Variants in TSGA10 observed in about 807,000 individuals in gnomAD.
The protein encoded by TSGA10 is testis-specific gene 10 protein.
Under a neutral mutation model 96.6 loss-of-function variants are expected in TSGA10, and 43 were observed. The observed-to-expected ratio is 0.44, with a 90% CI of 0.35 to 0.57. TSGA10 has a LOEUF of 0.57. TSGA10 is among the 20% of genes least tolerant of loss of function. TSGA10 has a pLI of 0.01. For synonymous variants in TSGA10, 229 were observed against 269.9 expected, an observed-to-expected ratio of 0.85 and a Z score of 1.48; for missense variants, 703 against 834.4, an observed-to-expected ratio of 0.84 and a Z score of 1.94.
rs375423446 is a variant in TSGA10, at chr2:99,068,872, A to G, written c.1218+16T>C. ...AAACTAAGTATCATGAGCAAAAAGA[A>G]AAAAAAAATACATACTTCAGACTTT... On this transcript the variant is annotated intron_variant, in intron 15 of 20. Transcript: ENST00000393483. The G allele has an allele frequency of 1.2e-4, 157 of 1,321,590 alleles. No individual in the cohort carries two copies. The African/African-American group carries it at 2.3e-3, about 19-fold the overall frequency. 81.9% of individuals were successfully genotyped at this position (1,321,590 alleles called of 1,614,324 possible).
At chr2:99,118,128 A>C (rs1392862001) in intron 3 of TSGA10, among the ~76,000 whole-genome samples, 2 of 152,014 alleles carry the variant, frequency 1.3e-5, no homozygotes, top group Non-Finnish European at 2.9e-5. Flanking sequence ...TCTTTTAATT[A>C]AATTTCTAAT....
chr2:99,010,995 C>T (rs2078946492), intron 20 of TSGA10, among the ~76,000 whole-genome samples: 1 of 152,116 alleles, frequency 6.6e-6, no homozygotes, highest in Admixed American at 6.5e-5. Context: ...TGGCCAAGAT[C>T]CCCTCTATAA....
intron 9 of TSGA10, among the ~76,000 whole-genome samples, chr2:99,104,401 A>T (rs981021864): frequency 6.6e-6 from 1 of 152,166 alleles, no homozygotes; most frequent in African/African-American, 2.4e-5. Context: ...AAAAGAATTT[A>T]TTTGTTGCCC....
At chr2:99,061,332 A>G (rs927889643) in intron 16 of TSGA10, among the ~76,000 whole-genome samples, 1 of 152,234 alleles carries the variant, frequency 6.6e-6, no homozygotes, top group African/African-American at 2.4e-5. Context: ...TATGAATGTG[A>G]TAACCTTACT....
intron 1 of TSGA10, among the ~76,000 whole-genome samples, chr2:99,130,618 T>G (rs1253149244): frequency 6.6e-6 from 1 of 152,238 alleles, no homozygotes; most frequent in Admixed American, 6.5e-5. Flanking sequence ...ACAGAAGCTC[T>G]TTAGTTTAAT....
intron 14 of TSGA10, among the ~76,000 whole-genome samples, chr2:99,069,259 C>A (rs1252893852): frequency 6.6e-6 from 1 of 152,070 alleles, no homozygotes; most frequent in African/African-American, 2.4e-5. Flanking sequence ...ATTAAAACAA[C>A]ACATTACTAT....
At chr2:99,137,818 G>A (rs1209507706) in intron 1 of TSGA10, among the ~76,000 whole-genome samples, 2 of 150,798 alleles carry the variant, frequency 1.3e-5, no homozygotes, top group African/African-American at 2.4e-5. Flanking sequence ...AATTAGAAGG[G>A]ATTTATTGCA....
At chr2:99,141,512 C>T (rs77606605) in intron 1 of TSGA10, 1 of 156,122 alleles carries the variant, frequency 6.4e-6, no homozygotes, top group Non-Finnish European at 1.4e-5. Context: ...ACCTGCCTGC[C>T]TTACAGGGCA....
chr2:99,131,582 T>C (rs2093087601), intron 1 of TSGA10, among the ~76,000 whole-genome samples: 1 of 152,150 alleles, frequency 6.6e-6, no homozygotes, highest in South Asian at 2.1e-4. Flanking sequence ...ACAATTTGAC[T>C]CCTCTCTTCC....
chr2:99,120,762 A>C (rs1380078843), intron 2 of TSGA10, among the ~76,000 whole-genome samples: 1 of 152,186 alleles, frequency 6.6e-6, no homozygotes, highest in Non-Finnish European at 1.5e-5. Flanking sequence ...TCACATGTGC[A>C]GATCTCTGTA....
intron 1 of TSGA10, among the ~76,000 whole-genome samples, chr2:99,128,421 A>C (rs1048564433): frequency 1.3e-5 from 2 of 152,224 alleles, no homozygotes; most frequent in Non-Finnish European, 2.9e-5. Flanking sequence ...TGCTAGTTAT[A>C]AACATGATTT....
chr2:99,080,080 A>AT lies in TSGA10; in HGVS notation c.727+1201dup, dbSNP rs566426487. Among the ~76,000 whole-genome samples, 18 of 152,212 alleles carry AT rather than the reference A, an allele frequency of 1.2e-4. No individual in the cohort carries two copies. In the East Asian group the frequency reaches 3.5e-3, roughly 29 times the overall value. The stretch of plus-strand genomic sequence containing the variant: ...ATCAACCTAACAGCCCACTCAAACT[A>AT]TTACCTTATTTTCTTGCTACCCTTT... On this transcript the variant is annotated intron_variant, in intron 11 of 20. Coordinates refer to ENST00000393483, the MANE Select transcript of TSGA10 (RefSeq NM_025244.4).
chr2:99,104,547 T>C (rs2091130846), intron 9 of TSGA10, among the ~76,000 whole-genome samples: 2 of 152,022 alleles, frequency 1.3e-5, no homozygotes, highest in Non-Finnish European at 1.5e-5. Context: ...CGATCTCGGC[T>C]CACTGCAATC....
chr2:99,017,758 C>A (rs1172805521), intron 20 of TSGA10, among the ~76,000 whole-genome samples: 2 of 146,162 alleles, frequency 1.4e-5, no homozygotes, highest in South Asian at 2.2e-4. Flanking sequence ...GAGAGAGACT[C>A]CGTCTCAAAA....
At chr2:99,018,003 G>A (rs1009356202) in intron 20 of TSGA10, among the ~76,000 whole-genome samples, 197 bp downstream of exon 20, 3 of 151,846 alleles carry the variant, frequency 2.0e-5, no homozygotes, top group Non-Finnish European at 4.4e-5. Flanking sequence ...TAAAATATTA[G>A]ACCTTTCACT....
chr2:99,149,578 G>A (rs1395758602), intron 1 of TSGA10, among the ~76,000 whole-genome samples: 5 of 151,044 alleles, frequency 3.3e-5, no homozygotes, highest in Non-Finnish European at 7.4e-5. Flanking sequence ...GAGTAGCTGG[G>A]ACTACAGGTG....
Position 99,113,132 on chromosome 2 carries a change from A to C in TSGA10, c.-139-2217T>G, listed in dbSNP as rs570927246. Among the ~76,000 whole-genome samples the C allele has an allele frequency of 1.3e-3, 195 of 152,222 alleles. 1 individual carries two copies. Among genetic ancestry groups the C allele is most frequent in the Non-Finnish European group, 2.6e-3 (177 of 68,000 alleles). ...TTAACACATGAATGATAAACAACTCAAGATGAGAGAATAAACGAAGGCATA... is the reference window on the plus strand; with the variant it reads ...TTAACACATGAATGATAAACAACTCCAGATGAGAGAATAAACGAAGGCATA... On this transcript the variant is annotated intron_variant, in intron 4 of 20. Coordinates refer to ENST00000393483, the MANE Select transcript of TSGA10 (RefSeq NM_025244.4).
chr2:99,121,198 G>A (rs2092552844), intron 2 of TSGA10, among the ~76,000 whole-genome samples: 1 of 152,068 alleles, frequency 6.6e-6, no homozygotes, highest in Non-Finnish European at 1.5e-5. Context: ...CACAACTGCT[G>A]GGTTGTATGG....
At chr2:99,008,621 T>C (rs2078705566) in intron 20 of TSGA10, among the ~76,000 whole-genome samples, 1 of 152,212 alleles carries the variant, frequency 6.6e-6, no homozygotes, top group Admixed American at 6.5e-5. Context: ...TGTGGCACTG[T>C]CTAACAAAAC....
Sources: allele counts gnomAD v4.1 joint callset (sites outside exome capture counted in the v4.1 genomes callset), GRCh38; gene constraint gnomAD v4.1.1; transcripts MANE v1.5; gene names NCBI Gene and HGNC (gene_info 2026-07-23, HGNC 2026-07-21).